The following COPB1 variants were observed in gnomAD, a reference collection of about 807,000 sequenced individuals.
COPB1 encodes the protein coat protein complex I subunit beta 1.
A neutral mutation model predicts 108.7 loss-of-function variants in COPB1; 21 were observed. That is an observed-to-expected ratio of 0.19 (90% CI 0.14 to 0.28). COPB1 has a LOEUF of 0.28. Ranked by LOEUF, COPB1 falls within the 10% of genes least tolerant of loss-of-function variation. The pLI, the probability that COPB1 is intolerant of heterozygous loss-of-function variation, is 1.00. For missense variants in COPB1, 919 were observed against 1,141.3 expected (o/e 0.81, Z 2.81); for synonymous variants, 378 against 386.8 (o/e 0.98, Z 0.27).
intron 14 of COPB1, chr11:14,473,945 A>G (rs1850463440): frequency 6.6e-6 from 1 of 151,780 alleles, no homozygotes; most frequent in Admixed American, 6.6e-5. Context: ...ACTTTCTATT[A>G]TTTTTTACTG....
In COPB1 at chr11:14,480,782, T is replaced by C. The variant is rs1279245301; in HGVS notation, c.1189A>G (p.Met397Val). ...ACCACAGGAATAACATTTGCAGCCATATCTGGAAATCGGACAGAACAGGAA... is the reference window on the plus strand; with the variant it reads ...ACCACAGGAATAACATTTGCAGCCACATCTGGAAATCGGACAGAACAGGAA... The part of the protein sequence containing the change: ...LHSCSVRFPD[M>V]AANVIPVLME... Residue 397 changes from methionine (M) to valine (V), a missense_variant, in exon 10 of 22, where the codon ATG (methionine) becomes GTG (valine). Around this residue, in one of 5 missense-constraint regions of COPB1, gnomAD observed 705 missense variants for 817.8 expected, o/e 0.86. Coordinates refer to ENST00000439561, the MANE Select transcript of COPB1 (RefSeq NM_001144061.2). 6.8e-6 allele frequency: 11 copies of C among 1,613,762 alleles called. No individual in the cohort carries two copies. The highest frequency in any genetic ancestry group is 9.3e-6 in the Non-Finnish European group (11 of 1,179,916).
chr11:14,491,757 C>A (rs1850911641), intron 4 of COPB1, among the ~76,000 whole-genome samples: 1 of 151,602 alleles, frequency 6.6e-6, no homozygotes, highest in Non-Finnish European at 1.5e-5. Flanking sequence ...TTTTCTAGTT[C>A]AATACAGAAA....
rs1426847678 is a variant in COPB1 at position 14,469,357 on chromosome 11, T to G, written c.1944A>C (p.Glu648Asp). Residue 648 changes from glutamate (E) to aspartate (D), a missense_variant, in exon 15 of 22, where the codon GAA becomes GAC. Glu to Asp is a conservative substitution (Grantham distance 45, BLOSUM62 2). Around this residue, in one of 5 missense-constraint regions of COPB1, gnomAD observed 705 missense variants for 817.8 expected, o/e 0.86. Transcript: ENST00000439561. Reference protein sequence around the residue: ...SLSHMLSAKLEEEKLSQKKES... With the variant: ...SLSHMLSAKLDEEKLSQKKES... Reference sequence around the variant, plus strand: ...TTACCTTTTGGGATAATTTCTCTTCTTCTAGTTTAGCAGATAACATGTGAG... The same window carrying G: ...TTACCTTTTGGGATAATTTCTCTTCGTCTAGTTTAGCAGATAACATGTGAG... The G allele has an allele frequency of 6.2e-7, 1 of 1,613,992 alleles. No individual in the cohort carries two copies. Among genetic ancestry groups the G allele is most frequent in the Admixed American group, 1.7e-5 (1 of 60,022 alleles).
At chr11:14,461,124 C>T in intron 19 of COPB1, 62 bp downstream of exon 19, 2 of 1,599,662 alleles carry the variant, frequency 1.3e-6, no homozygotes, top group South Asian at 1.1e-5. Flanking sequence ...TTAGCAGACT[C>T]CTCAACAGCA....
Position 14,469,417 on chromosome 11 carries a change from A to T in COPB1, c.1884T>A (p.Asn628Lys). 1 of 1,614,194 alleles carries T rather than the reference A, an allele frequency of 6.2e-7. No homozygotes were observed. The highest frequency in any genetic ancestry group is 8.5e-7 in the Non-Finnish European group (1 of 1,180,012). The part of the protein sequence containing the change: ...KVLSECSPLM[N>K]DIFNKECRQS... Reference sequence around the variant, plus strand: ...GTCTGCATTCCTTATTGAAAATGTCATTCATTAAAGGTGAACATTCAGACA... The same window carrying T: ...GTCTGCATTCCTTATTGAAAATGTCTTTCATTAAAGGTGAACATTCAGACA... Residue 628 changes from asparagine to lysine, a missense_variant, in exon 15 of 22, where the codon AAT (asparagine) becomes AAA (lysine). Physicochemically the swap from Asn to Lys is moderately conservative, Grantham distance 94. Transcript: ENST00000439561.
chr11:14,477,659 C>G (rs1481211763), intron 11 of COPB1, among the ~76,000 whole-genome samples: 1 of 151,996 alleles, frequency 6.6e-6, no homozygotes, highest in Non-Finnish European at 1.5e-5. Context: ...CTTTGAGAGG[C>G]TGAGGCGGGC....
At chr11:14,472,172 T>C (rs892495679) in intron 14 of COPB1, among the ~76,000 whole-genome samples, 5 of 152,230 alleles carry the variant, frequency 3.3e-5, no homozygotes, top group Admixed American at 6.5e-5. Flanking sequence ...TCTTAAATAA[T>C]AAGAGTTGAA....
At chr11:14,457,997 C>A in intron 21 of COPB1, 114 bp from the exon 22 acceptor site, 5 of 516,778 alleles carry the variant, frequency 9.7e-6, no homozygotes, top group Non-Finnish European at 1.6e-5. Context: ...ACAATAAAAT[C>A]AAGGACATAC....
intron 17 of COPB1, 34 bp from the exon 18 acceptor site, chr11:14,465,064 C>G: frequency 4.1e-5 from 1 of 24,624 alleles, no homozygotes. Context: ...GTTAAAAATA[C>G]ACACACACAC....
rs756536000 is a variant in COPB1, at chr11:14,488,598, G to A, written c.607-14C>T. On this transcript the variant is annotated splice_polypyrimidine_tract_variant and intron_variant, in intron 5 of 21. Coordinates refer to ENST00000439561, the MANE Select transcript of COPB1 (RefSeq NM_001144061.2). The stretch of plus-strand genomic sequence containing the variant: ...CAAAGCTCGATCCTAAAAAAAATAA[G>A]AATATATTTATCATTCTCCACCTCA... The A allele has an allele frequency of 1.3e-6, 2 of 1,557,834 alleles. No individual in the cohort carries two copies. Among genetic ancestry groups the A allele is most frequent in the Non-Finnish European group, 8.8e-7 (1 of 1,137,716 alleles).
chr11:14,487,538 G>T (rs965317742), intron 6 of COPB1, among the ~76,000 whole-genome samples: 1 of 152,010 alleles, frequency 6.6e-6, no homozygotes, highest in East Asian at 1.9e-4. Flanking sequence ...AGCTGGATAC[G>T]GTGGCGTGCA....
At chr11:14,485,598 G>A (rs1850751297) in intron 7 of COPB1, among the ~76,000 whole-genome samples, 1 of 152,222 alleles carries the variant, frequency 6.6e-6, no homozygotes, top group African/African-American at 2.4e-5. Context: ...TGTAATCCCA[G>A]CATTTTGGGA....
rs770556710 is a variant in COPB1 at position 14,469,582 on chromosome 11, C to A, written c.1738-19G>T. 4 of 1,590,042 alleles carry A rather than the reference C, an allele frequency of 2.5e-6. No homozygotes were observed. The highest frequency in any genetic ancestry group is 1.3e-5 in the African/African-American group (1 of 74,442). ...CAAAAGACTAAGAAAGTAAAGAAAT[C>A]GGTTACTGATATTGTCTTGATTCTC... On this transcript the variant is annotated intron_variant, in intron 14 of 21. Coordinates refer to ENST00000439561, the MANE Select transcript of COPB1 (RefSeq NM_001144061.2).
intron 20 of COPB1, among the ~76,000 whole-genome samples, chr11:14,459,481 T>C (rs1850097706): frequency 6.6e-6 from 1 of 152,206 alleles, no homozygotes; most frequent in Non-Finnish European, 1.5e-5. Context: ...CTCTCGTTTT[T>C]TTCATACATA....
Position 14,460,523 on chromosome 11 carries a change from T to A in COPB1, c.2557-226A>T, listed in dbSNP as rs547910505. ...TTCAATATGAAGCATATAGAATATTTCTTTTTTTTTTTGAGACAGGGTCTC... is the reference window on the plus strand; with the variant it reads ...TTCAATATGAAGCATATAGAATATTACTTTTTTTTTTTGAGACAGGGTCTC... On this transcript the variant is annotated intron_variant, in intron 19 of 21. Transcript: ENST00000439561. Among the ~76,000 whole-genome samples the A allele has an allele frequency of 2.0e-5, 3 of 152,078 alleles. No individual in the cohort carries two copies. In the South Asian group the frequency reaches 6.2e-4, roughly 32 times the overall value.
intron 4 of COPB1, among the ~76,000 whole-genome samples, chr11:14,491,906 T>C (rs927301943): frequency 2.0e-5 from 3 of 152,220 alleles, no homozygotes; most frequent in Non-Finnish European, 4.4e-5. Flanking sequence ...TTGTGTACTA[T>C]TTGCTTACTG....
At chr11:14,468,276 T>C (rs1047342808) in intron 16 of COPB1, among the ~76,000 whole-genome samples, 1 of 152,170 alleles carries the variant, frequency 6.6e-6, no homozygotes, top group South Asian at 2.1e-4. Flanking sequence ...TAAAATTCTA[T>C]ATGGAACTCG....
chr11:14,472,540 C>G (rs747911471), intron 14 of COPB1, among the ~76,000 whole-genome samples: 2 of 152,210 alleles, frequency 1.3e-5, no homozygotes, highest in Non-Finnish European at 2.9e-5. Context: ...AAGAGTCAGC[C>G]TATCCTTTGA....
At chr11:14,467,815 C>T (rs1393542225) in intron 16 of COPB1, among the ~76,000 whole-genome samples, 1 of 152,148 alleles carries the variant, frequency 6.6e-6, no homozygotes, top group African/African-American at 2.4e-5. Flanking sequence ...TATTGTTCCA[C>T]TTCTGTGAGG....
Sources: gnomAD v4.1 joint callset for allele counts (sites outside exome capture counted in the v4.1 genomes callset) on GRCh38, gnomAD v4.1.1 for gene constraint, gnomAD v4.1.1 regional missense constraint, MANE v1.5 for transcripts, NCBI Gene and HGNC (gene_info 2026-07-23, HGNC 2026-07-21) for gene names.